Variants in FBXL5 observed in about 807,000 individuals in gnomAD.
FBXL5 encodes F-box/LRR-repeat protein 5.
In FBXL5, 26 loss-of-function variants were observed where a neutral mutation model predicts 78.3. The ratio of observed to expected loss-of-function variants is 0.33; its 90% CI spans 0.24 to 0.46. The LOEUF (loss-of-function observed/expected upper bound fraction) is 0.46. FBXL5 is among the 20% of genes least tolerant of loss of function. The pLI, the probability that FBXL5 is intolerant of heterozygous loss-of-function variation, is 1.00. For missense variants in FBXL5, 710 were observed against 829.2 expected (o/e 0.86, Z 1.77); for synonymous variants, 295 against 282.5 (o/e 1.04, Z -0.45).
intron 1 of FBXL5, among the ~76,000 whole-genome samples, chr4:15,671,785 A>G (rs79980581): frequency 1.2e-3 from 189 of 152,190 alleles, no homozygotes; most frequent in African/African-American, 4.3e-3. Context: ...TTCTATTGCT[A>G]TGTCTTCTTC....
At chr4:15,634,292 C>T (rs1577455286) in intron 5 of FBXL5, among the ~76,000 whole-genome samples, 1 of 152,206 alleles carries the variant, frequency 6.6e-6, no homozygotes, top group East Asian at 1.9e-4. Flanking sequence ...TCAAATGATC[C>T]TCCCTCCCAC....
chr4:15,643,933 A>G (rs1401917975), intron 2 of FBXL5, among the ~76,000 whole-genome samples: 1 of 152,214 alleles, frequency 6.6e-6, no homozygotes, highest in Non-Finnish European at 1.5e-5. Flanking sequence ...TTAAACAGTA[A>G]TAAAGAGGTA....
intron 1 of FBXL5, among the ~76,000 whole-genome samples, chr4:15,669,105 G>A (rs1420398378): frequency 6.6e-6 from 1 of 152,164 alleles, no homozygotes; most frequent in Non-Finnish European, 1.5e-5. Flanking sequence ...TAGATATATA[G>A]TTGAGTATTT....
chr4:15,608,327 GAC>G (rs1400397944), intron 10 of FBXL5, among the ~76,000 whole-genome samples: 2 of 151,986 alleles, frequency 1.3e-5, no homozygotes, highest in East Asian at 1.9e-4. Flanking sequence ...AACCTGACAT[GAC>G]ACAGTTTTTC....
At position 15,637,905 on chromosome 4, in the gene FBXL5, A is replaced by T. The variant is rs558299692; in HGVS notation, c.583+603T>A. 2.5e-3 allele frequency among the ~76,000 whole-genome samples: 370 copies of T among 145,310 alleles called. 8 individuals are homozygous for T. In the East Asian group the frequency reaches 0.059, roughly 23 times the overall value. On this transcript the variant is annotated intron_variant, in intron 4 of 10. Coordinates refer to ENST00000341285, the MANE Select transcript of FBXL5 (RefSeq NM_012161.4). ...ATTACTGAGGAACTAGTTTTTTTAA[A>T]AAAAAAAAAAAAGGCAGCACGTTTT...
intron 3 of FBXL5, among the ~76,000 whole-genome samples, chr4:15,640,394 A>AAG (rs1714730081): frequency 8.2e-5 from 1 of 12,174 alleles, no homozygotes; most frequent in Non-Finnish European, 1.8e-4. Flanking sequence ...TACACTACTG[A>AAG]AAAAAAAAAA....
At chr4:15,667,212 G>C (rs973819926) in intron 1 of FBXL5, among the ~76,000 whole-genome samples, 2 of 152,160 alleles carry the variant, frequency 1.3e-5, no homozygotes, top group Middle Eastern at 3.2e-3. Flanking sequence ...TCACTAAACA[G>C]CCACATGATC....
chr4:15,668,260 A>T (rs974797705), intron 1 of FBXL5, among the ~76,000 whole-genome samples: 1 of 151,182 alleles, frequency 6.6e-6, no homozygotes, highest in African/African-American at 2.4e-5. Flanking sequence ...GGTATTTTCA[A>T]ATTTATAACT....
Position 15,604,968 on chromosome 4 carries a change from G to A in FBXL5, c.*755C>T, listed in dbSNP as rs1249377403. The A allele has an allele frequency of 1.3e-5, 2 of 152,138 alleles. No homozygotes were observed. The highest frequency in any genetic ancestry group is 1.9e-4 in the East Asian group (1 of 5,200). The allele number at this position is 152,138 out of a possible 1,614,324, so 9.4% of individuals were successfully genotyped here. A position where few individuals can be genotyped will look rare whatever the true frequency, so the allele number is the denominator to read the frequency against. On this transcript the variant is annotated 3_prime_UTR_variant, in exon 11 of 11. Coordinates refer to ENST00000341285, the MANE Select transcript of FBXL5 (RefSeq NM_012161.4). ...TCCTATTCTATACTAAAGTAAACCT[G>A]GATTGAGATTTATAATAAAAATCAC...
chr4:15,678,494 G>A (rs1013230320), intron 1 of FBXL5, among the ~76,000 whole-genome samples: 1 of 152,066 alleles, frequency 6.6e-6, no homozygotes, highest in East Asian at 1.9e-4. Flanking sequence ...TCATGCAAAC[G>A]AAGAAAAGCT....
upstream of FBXL5, among the ~76,000 whole-genome samples, chr4:15,655,831 G>A (rs1456369841): frequency 6.6e-6 from 1 of 152,220 alleles, no homozygotes; most frequent in African/African-American, 2.4e-5. Flanking sequence ...GCCCGTGCCA[G>A]ATTTTTCCTG....
At chr4:15,617,774 A>T (rs780119885) in intron 9 of FBXL5, among the ~76,000 whole-genome samples, 5 of 152,188 alleles carry the variant, frequency 3.3e-5, no homozygotes, top group Admixed American at 6.5e-5. Flanking sequence ...ACATGTACAC[A>T]TGGAAGGAAA....
chr4:15,612,129 T>A, intron 10 of FBXL5, 137 bp downstream of exon 10: 2 of 670,108 alleles, frequency 3.0e-6, no homozygotes, highest in South Asian at 3.7e-5. Flanking sequence ...TAAAATTTTA[T>A]CAAATTTAAC....
Position 15,636,669 on chromosome 4 carries a change from T to A in FBXL5, c.591A>T (p.Glu197Asp). 6.5e-7 allele frequency: 1 copy of A among 1,547,650 alleles called. No individual in the cohort carries two copies. Among genetic ancestry groups the A allele is most frequent in the Non-Finnish European group, 8.7e-7 (1 of 1,144,230 alleles). The change falls in exon 5 of 11, where the codon GAA (glutamate) becomes GAT (aspartate). Residue 197 changes from glutamate (E) to aspartate (D), a missense_variant. Physicochemically the swap from Glu to Asp is conservative, Grantham distance 45. This residue lies in a region of FBXL5 where 517 missense variants were observed against 542.9 expected (regional missense o/e 0.95). Coordinates refer to ENST00000341285, the MANE Select transcript of FBXL5 (RefSeq NM_012161.4). The part of the protein sequence containing the change: ...SVDEKSDKEA[E>D]VSEHSTGITH... ...TTATACCTGTGGAGTGTTCTGACAC[T>A]TCTGCTTCTGAAATAAAAAAGAAAA...
intron 9 of FBXL5, among the ~76,000 whole-genome samples, chr4:15,615,949 T>G (rs1055575172): frequency 6.6e-5 from 10 of 152,272 alleles, no homozygotes; most frequent in African/African-American, 2.4e-4. Flanking sequence ...GCTCATTCTT[T>G]GGGTCCACGC....
intron 5 of FBXL5, among the ~76,000 whole-genome samples, chr4:15,633,423 G>A (rs1161205426): frequency 1.3e-5 from 2 of 152,118 alleles, no homozygotes; most frequent in Admixed American, 1.3e-4. Context: ...TAACTAAAAG[G>A]AAGCAGGATT....
At chr4:15,641,566 T>G (rs1020247187) in intron 2 of FBXL5, 1 of 455,774 alleles carries the variant, frequency 2.2e-6, no homozygotes, top group African/African-American at 1.9e-5. Flanking sequence ...ATATAATACA[T>G]GAAATAATTG....
At chr4:15,672,087 G>A (rs1717792876) in intron 1 of FBXL5, among the ~76,000 whole-genome samples, 1 of 152,112 alleles carries the variant, frequency 6.6e-6, no homozygotes, top group Admixed American at 6.5e-5. Flanking sequence ...ATCTTCTTGA[G>A]CTTTGTTCTA....
chr4:15,648,552 G>A (rs1715607111), intron 1 of FBXL5, among the ~76,000 whole-genome samples: 3 of 152,140 alleles, frequency 2.0e-5, no homozygotes, highest in Admixed American at 2.0e-4. Context: ...CATAAAAAAG[G>A]AAATCCTGTC....
Sources: allele counts gnomAD v4.1 joint callset (sites outside exome capture counted in the v4.1 genomes callset), GRCh38; gene constraint gnomAD v4.1.1; regional missense constraint gnomAD v4.1.1; transcripts MANE v1.5; gene names NCBI Gene and HGNC (gene_info 2026-07-23, HGNC 2026-07-21).